RHOBTB1: variants seen among roughly 807,000 people sequenced by gnomAD.
RHOBTB1 encodes Rho related BTB domain containing 1, also known as rho-related BTB domain-containing protein 1.
A neutral mutation model predicts 71.6 loss-of-function variants in RHOBTB1; 40 were observed. The ratio of observed to expected loss-of-function variants is 0.56; its 90% CI spans 0.43 to 0.73. RHOBTB1 has a LOEUF of 0.73. Among genes scored for constraint, RHOBTB1 ranks in the 30% least tolerant of loss-of-function variants. The probability of loss-of-function intolerance (pLI) is 0.00; values close to 1 mark genes in which losing one functional copy is unlikely to be tolerated. For synonymous variants in RHOBTB1, 319 were observed against 334.9 expected, an observed-to-expected ratio of 0.95 and a Z score of 0.52; for missense variants, 797 against 894.0, an observed-to-expected ratio of 0.89 and a Z score of 1.38.
At chr10:60,978,379 A>T (rs991856268) in intron 2 of RHOBTB1, among the ~76,000 whole-genome samples, 1 of 152,200 alleles carries the variant, frequency 6.6e-6, no homozygotes, top group African/African-American at 2.4e-5. Context: ...ACTTGCATAG[A>T]CATAGTAGTT....
At chr10:60,894,079 G>A (rs188737394) in intron 4 of RHOBTB1, among the ~76,000 whole-genome samples, 2 of 152,298 alleles carry the variant, frequency 1.3e-5, no homozygotes, top group East Asian at 1.9e-4. Context: ...GAAGAGTCAA[G>A]TCGATGAATC....
At chr10:60,953,516 G>C (rs1018493305) in intron 2 of RHOBTB1, among the ~76,000 whole-genome samples, 2 of 152,128 alleles carry the variant, frequency 1.3e-5, no homozygotes, top group Non-Finnish European at 2.9e-5. Flanking sequence ...ACCTCAATCC[G>C]AACAATTCCT....
intron 2 of RHOBTB1, among the ~76,000 whole-genome samples, chr10:60,915,944 C>T (rs184621593): frequency 1.3e-5 from 2 of 152,138 alleles, no homozygotes; most frequent in Non-Finnish European, 1.5e-5. Flanking sequence ...CTTTTGGACA[C>T]GTGCTGGATA....
At chr10:60,903,455 A>G (rs12219009) in intron 4 of RHOBTB1, among the ~76,000 whole-genome samples, 57,575 of 151,776 alleles carry the variant, frequency 0.38, 12,278 homozygotes, top group East Asian at 0.58. Flanking sequence ...GGTACAAAAC[A>G]GAGGTCACGT....
At chr10:60,906,900 C>T (rs541999505) in intron 4 of RHOBTB1, among the ~76,000 whole-genome samples, 2 of 152,334 alleles carry the variant, frequency 1.3e-5, no homozygotes, top group Admixed American at 6.5e-5. Context: ...AATCTCGAAT[C>T]GTAGCTCCCG....
the RHOBTB1 span, among the ~76,000 whole-genome samples, chr10:60,862,394 C>A: frequency 6.6e-6 from 1 of 152,060 alleles, no homozygotes; most frequent in African/African-American, 2.4e-5. Flanking sequence ...GATAGCGTTT[C>A]ACCATGTTGG....
intron 4 of RHOBTB1, among the ~76,000 whole-genome samples, chr10:60,896,755 G>A (rs890394804): frequency 3.3e-5 from 5 of 152,070 alleles, no homozygotes; most frequent in African/African-American, 7.2e-5. Context: ...TAAAAATTTC[G>A]CTGGGTACTA....
intron 1 of RHOBTB1, among the ~76,000 whole-genome samples, chr10:60,995,135 G>A (rs530491147): frequency 2.6e-5 from 4 of 152,094 alleles, no homozygotes; most frequent in South Asian, 2.1e-4. Context: ...AATTATTTAT[G>A]AGTATATCAA....
In RHOBTB1 at chr10:60,892,969, G is replaced by A. The variant is rs756903582; in HGVS notation, c.323C>T (p.Ser108Leu). 8 of 1,612,930 alleles carry A rather than the reference G, an allele frequency of 5.0e-6. No individual in the cohort carries two copies. Among genetic ancestry groups the A allele is most frequent in the African/African-American group, 2.7e-5 (2 of 74,794 alleles). ...ATTTAGGGAATTGGGATTAGCAATCGAAAAACAGAGGACCACAACATCAGA... is the reference window on the plus strand; with the variant it reads ...ATTTAGGGAATTGGGATTAGCAATCAAAAAACAGAGGACCACAACATCAGA... Reference protein sequence around the residue: ...GRSDVVVLCFSIANPNSLNHV... With the variant: ...GRSDVVVLCFLIANPNSLNHV... Residue 108 changes from serine (S) to leucine (L), a missense_variant, in exon 5 of 11, where the codon TCG becomes TTG. By Grantham distance (145) the Ser-to-Leu change is moderately radical. This residue lies in a region of RHOBTB1 where 139 missense variants were observed against 212.5 expected (regional missense o/e 0.65). Transcript: ENST00000337910.
At chr10:60,880,808 C>T (rs748910236) in intron 7 of RHOBTB1, among the ~76,000 whole-genome samples, 4 of 152,184 alleles carry the variant, frequency 2.6e-5, no homozygotes, top group African/African-American at 4.8e-5. Context: ...AGTTACACTG[C>T]GTGTATGCTC....
intron 2 of RHOBTB1, among the ~76,000 whole-genome samples, chr10:60,921,028 C>T (rs953920997): frequency 1.3e-5 from 2 of 151,164 alleles, no homozygotes; most frequent in African/African-American, 2.4e-5. Flanking sequence ...TAGCTCACTG[C>T]GACCTCTGCC....
intron 4 of RHOBTB1, among the ~76,000 whole-genome samples, chr10:60,907,227 T>A (rs1210629485): frequency 6.6e-6 from 1 of 152,228 alleles, no homozygotes; most frequent in Non-Finnish European, 1.5e-5. Flanking sequence ...AAGAACAGAC[T>A]AATACAGGGA....
intron 4 of RHOBTB1, among the ~76,000 whole-genome samples, chr10:60,903,861 G>A (rs762487006): frequency 9.9e-5 from 15 of 152,108 alleles, no homozygotes; most frequent in East Asian, 5.8e-4. Flanking sequence ...CGTTTTCAAC[G>A]AGACTAACTT....
intron 3 of RHOBTB1, 26 bp downstream of exon 3, chr10:60,911,325 T>C: frequency 6.3e-7 from 1 of 1,591,374 alleles, no homozygotes; most frequent in Non-Finnish European, 8.6e-7. Flanking sequence ...GCCCTAGGGA[T>C]GCTGAAGACA....
chr10:60,902,335 T>C (rs992015632), intron 4 of RHOBTB1, among the ~76,000 whole-genome samples: 17 of 152,204 alleles, frequency 1.1e-4, no homozygotes, highest in Non-Finnish European at 1.9e-4. Flanking sequence ...CGTATCTGTT[T>C]GTTTTGGATG....
chr10:60,946,796 C>T (rs1253551470), upstream of RHOBTB1, among the ~76,000 whole-genome samples: 1 of 152,204 alleles, frequency 6.6e-6, no homozygotes, highest in East Asian at 1.9e-4. Context: ...CCCCAGGGCA[C>T]ACCAAGGCTC....
At chr10:61,001,055 TG>T (rs2135080332) in intron 1 of RHOBTB1, among the ~76,000 whole-genome samples, 1 of 151,676 alleles carries the variant, frequency 6.6e-6, no homozygotes, top group East Asian at 2.0e-4. Context: ...TGTGTGTGTG[TG>T]TGTGAGTGCG....
intron 4 of RHOBTB1, among the ~76,000 whole-genome samples, chr10:60,893,688 C>T (rs2082032233): frequency 6.6e-6 from 1 of 152,114 alleles, no homozygotes; most frequent in African/African-American, 2.4e-5. Flanking sequence ...GCAGATTTCT[C>T]AAATGTTACA....
chr10:60,961,210 C>T (rs2085764754), intron 2 of RHOBTB1, among the ~76,000 whole-genome samples: 2 of 152,054 alleles, frequency 1.3e-5, no homozygotes, highest in African/African-American at 2.4e-5. Flanking sequence ...ATAGAGCTCA[C>T]AAAAATGTCC....
Sources: gnomAD v4.1 joint callset for allele counts (sites outside exome capture counted in the v4.1 genomes callset) on GRCh38, gnomAD v4.1.1 for gene constraint, gnomAD v4.1.1 regional missense constraint, MANE v1.5 for transcripts, NCBI Gene and HGNC (gene_info 2026-07-23, HGNC 2026-07-21) for gene names.